CSMD1: variants seen among roughly 807,000 people sequenced by gnomAD.
The protein encoded by CSMD1 is CUB and sushi domain-containing protein 1.
CSMD1 carries 213 observed loss-of-function variants against 417.5 expected under a neutral mutation model. The observed-to-expected ratio is 0.51, with a 90% CI of 0.46 to 0.57. The LOEUF is 0.57. Ranked by LOEUF, CSMD1 falls within the 20% of genes least tolerant of loss-of-function variation. CSMD1 has a pLI of 0.00. For synonymous variants in CSMD1, 2,862 were observed against 1,736.8 expected, an observed-to-expected ratio of 1.65 and a Z score of -16.11; for missense variants, 6,923 against 4,529.7, an observed-to-expected ratio of 1.53 and a Z score of -15.17.
chr8:3,864,901 C>T (rs1804976092), intron 5 of CSMD1, among the ~76,000 whole-genome samples: 1 of 152,170 alleles, frequency 6.6e-6, no homozygotes, highest in Admixed American at 6.5e-5. Context: ...CTTAGTAAAA[C>T]AAGAAGTATT....
intron 2 of CSMD1, among the ~76,000 whole-genome samples, chr8:4,538,165 T>A (rs1797196966): frequency 6.6e-6 from 1 of 151,050 alleles, no homozygotes; most frequent in Non-Finnish European, 1.5e-5. Flanking sequence ...ATGACTCCGG[T>A]GTAACATGCA....
At chr8:4,599,982 G>A (rs993355522) in intron 2 of CSMD1, among the ~76,000 whole-genome samples, 2 of 152,168 alleles carry the variant, frequency 1.3e-5, no homozygotes, top group Non-Finnish European at 2.9e-5. Context: ...CCATGGAGGT[G>A]TTCACTGTGA....
At chr8:3,044,157 A>G (rs1346218771) in intron 50 of CSMD1, among the ~76,000 whole-genome samples, 1 of 152,236 alleles carries the variant, frequency 6.6e-6, no homozygotes, top group Non-Finnish European at 1.5e-5. Flanking sequence ...AAGTATCTTT[A>G]GCCCAAATAC....
intron 3 of CSMD1, among the ~76,000 whole-genome samples, chr8:4,370,772 C>A (rs535092505): frequency 6.6e-6 from 1 of 152,192 alleles, no homozygotes; most frequent in East Asian, 1.9e-4. Flanking sequence ...AAATTTAATT[C>A]ACAAGATCCA....
At chr8:3,874,667 T>G (rs1805696328) in intron 5 of CSMD1, among the ~76,000 whole-genome samples, 2 of 152,172 alleles carry the variant, frequency 1.3e-5, no homozygotes, top group Non-Finnish European at 2.9e-5. Context: ...TGTTTTTCTC[T>G]GTGGATGATG....
rs78047212 is a variant in CSMD1, at chr8:3,582,635, G to C, written c.1222+3501C>G. 7.2e-3 allele frequency among the ~76,000 whole-genome samples: 1,098 copies of C among 152,256 alleles called. 14 individuals are homozygous for C. Among genetic ancestry groups the C allele is most frequent in the African/African-American group, 0.024 (988 of 41,550 alleles). On this transcript the variant is annotated intron_variant, in intron 9 of 69. Coordinates refer to ENST00000635120, the MANE Select transcript of CSMD1 (RefSeq NM_033225.6). ...CTACTGAGCACCTGAAATGCAGCTG[G>C]TCTGAGATGAGCTATGCTCTAAGTA... is the stretch of plus-strand genomic sequence containing the variant.
intron 1 of CSMD1, among the ~76,000 whole-genome samples, chr8:4,761,267 A>C: frequency 6.6e-6 from 1 of 152,158 alleles, no homozygotes; most frequent in East Asian, 1.9e-4. Flanking sequence ...TCAGAACAGG[A>C]AAGCATGGTC....
At chr8:3,640,662 C>T (rs888678744) in intron 7 of CSMD1, among the ~76,000 whole-genome samples, 12 of 152,152 alleles carry the variant, frequency 7.9e-5, no homozygotes, top group African/African-American at 1.9e-4. Flanking sequence ...CTTTGATTGT[C>T]GCTACAATGT....
chr8:4,955,522 C>G (rs923578933), intron 1 of CSMD1, among the ~76,000 whole-genome samples: 2 of 151,702 alleles, frequency 1.3e-5, no homozygotes, highest in Non-Finnish European at 2.9e-5. Flanking sequence ...GTGGCATGAT[C>G]TCGGCACACT....
chr8:3,515,999 G>C (rs1207229993), intron 10 of CSMD1, among the ~76,000 whole-genome samples: 1 of 152,176 alleles, frequency 6.6e-6, no homozygotes, highest in East Asian at 1.9e-4. Context: ...TTTAAAATTA[G>C]TAAGTCTACT....
chr8:3,285,005 C>G (rs1803041155), intron 25 of CSMD1, among the ~76,000 whole-genome samples: 1 of 152,060 alleles, frequency 6.6e-6, no homozygotes, highest in Non-Finnish European at 1.5e-5. Flanking sequence ...ATCTCTATGC[C>G]TAAGGACTCA....
chr8:3,808,450 CTG>C (rs958956869), intron 5 of CSMD1, among the ~76,000 whole-genome samples: 121 of 152,232 alleles, frequency 7.9e-4, no homozygotes, highest in African/African-American at 2.6e-3. Context: ...TCTTCAAAAG[CTG>C]TGTTTCTCTC....
chr8:3,648,752 G>A (rs1797700608), intron 7 of CSMD1, among the ~76,000 whole-genome samples: 1 of 152,114 alleles, frequency 6.6e-6, no homozygotes, highest in Non-Finnish European at 1.5e-5. Flanking sequence ...GTGCACCTGA[G>A]ACATAAAGTA....
intron 67 of CSMD1, among the ~76,000 whole-genome samples, chr8:2,949,784 T>C (rs1182140435): frequency 6.6e-6 from 1 of 152,310 alleles, no homozygotes; most frequent in East Asian, 1.9e-4. Flanking sequence ...TTAAGTCAGA[T>C]AGTAAATTAG....
chr8:4,779,855 G>A (rs1369657911), intron 1 of CSMD1, among the ~76,000 whole-genome samples: 1 of 152,094 alleles, frequency 6.6e-6, no homozygotes, highest in African/African-American at 2.4e-5. Context: ...CCAAACAGCA[G>A]CAGCAACTGC....
intron 2 of CSMD1, among the ~76,000 whole-genome samples, chr8:4,500,458 C>T (rs908919905): frequency 6.6e-6 from 1 of 152,000 alleles, no homozygotes; most frequent in Admixed American, 6.6e-5. Context: ...AACTATTGAA[C>T]AAAACACCAG....
chr8:4,109,241 T>C (rs1486572302), intron 3 of CSMD1, among the ~76,000 whole-genome samples: 1 of 152,188 alleles, frequency 6.6e-6, no homozygotes, highest in Admixed American at 6.5e-5. Context: ...ATCCATTTTT[T>C]TTCTGAATGT....
chr8:2,991,174 A>C (rs1806350543), intron 54 of CSMD1, among the ~76,000 whole-genome samples: 1 of 152,160 alleles, frequency 6.6e-6, no homozygotes. Context: ...AAGGGTATTT[A>C]TTACTTTATG....
chr8:4,477,028 C>A (rs1358000086), intron 2 of CSMD1, among the ~76,000 whole-genome samples: 1 of 152,188 alleles, frequency 6.6e-6, no homozygotes, highest in African/African-American at 2.4e-5. Flanking sequence ...CAGGGATTTC[C>A]CTCCCGCAGG....
Sources: gnomAD v4.1 joint callset for allele counts (sites outside exome capture counted in the v4.1 genomes callset) on GRCh38, gnomAD v4.1.1 for gene constraint, MANE v1.5 for transcripts, NCBI Gene and HGNC (gene_info 2026-07-23, HGNC 2026-07-21) for gene names.